AIF1L: variants seen among roughly 807,000 people sequenced by gnomAD.
AIF1L encodes the protein allograft inflammatory factor 1 like.
AIF1L carries 12 observed loss-of-function variants against 20.7 expected under a neutral mutation model. The ratio of observed to expected loss-of-function variants is 0.58; its 90% CI spans 0.37 to 0.94. The LOEUF is 0.94. Among genes scored for constraint, AIF1L ranks in the 40% least tolerant of loss-of-function variants. AIF1L has a pLI of 0.01. For missense variants in AIF1L, 173 were observed against 185.3 expected, an observed-to-expected ratio of 0.93 and a Z score of 0.39; for synonymous variants, 76 against 65.1, an observed-to-expected ratio of 1.17 and a Z score of -0.81.
intron 4 of AIF1L, among the ~76,000 whole-genome samples, chr9:131,117,261 C>T (rs536887973): frequency 6.6e-6 from 1 of 152,212 alleles, no homozygotes; most frequent in Non-Finnish European, 1.5e-5. Flanking sequence ...CCACTCGGCA[C>T]CCAGCAGAGT....
At chr9:131,119,750 C>G (rs965429940) in intron 5 of AIF1L, among the ~76,000 whole-genome samples, 1 of 152,172 alleles carries the variant, frequency 6.6e-6, no homozygotes, top group African/African-American at 2.4e-5. Flanking sequence ...GCTTGAGCCA[C>G]CCGGCTGGGA....
At chr9:131,097,814 C>G (rs571284123) in intron 2 of AIF1L, among the ~76,000 whole-genome samples, 1 of 152,246 alleles carries the variant, frequency 6.6e-6, no homozygotes, top group Non-Finnish European at 1.5e-5. Context: ...TGTGCAGGCT[C>G]AGAGAGGGAA....
At chr9:131,097,700 C>T (rs190447134) in intron 2 of AIF1L, among the ~76,000 whole-genome samples, 1 of 152,352 alleles carries the variant, frequency 6.6e-6, no homozygotes, top group East Asian at 1.9e-4. Context: ...GGCAGCACAG[C>T]CAGTGGCTTT....
In AIF1L at chr9:131,101,672, C is replaced by T. The variant is rs896405757; in HGVS notation, c.93+4809C>T. Among the ~76,000 whole-genome samples, 36 of 152,214 alleles carry T rather than the reference C, an allele frequency of 2.4e-4. 1 individual carries two copies. Among genetic ancestry groups the T allele is most frequent in the Admixed American group, 1.0e-3 (16 of 15,296 alleles). The stretch of plus-strand genomic sequence containing the variant: ...GACTTCCATTTTAGAGATGAGGAAA[C>T]AGGCTTAGCTAGATGAAGTCACCTG... On this transcript the variant is annotated intron_variant, in intron 2 of 5. Coordinates refer to ENST00000247291, the MANE Select transcript of AIF1L (RefSeq NM_031426.4).
rs768059563 is a variant in AIF1L, at chr9:131,117,709, C to A, written c.203-47C>A. On this transcript the variant is annotated intron_variant, in intron 4 of 5. Coordinates refer to ENST00000247291, the MANE Select transcript of AIF1L (RefSeq NM_031426.4). The stretch of plus-strand genomic sequence containing the variant: ...GAGCTTTCCCAGCTTCCCTGCTAAG[C>A]CCCAGCAGCCCATCTCCACTTAACA... 15 of 1,532,204 alleles carry A rather than the reference C, an allele frequency of 9.8e-6. No homozygotes were observed. The South Asian group carries it at 1.9e-4, about 20-fold the overall frequency. The allele number at this position is 1,532,204 out of a possible 1,614,324, so 94.9% of individuals were successfully genotyped here.
chr9:131,101,525 T>G (rs1044327884), intron 2 of AIF1L, among the ~76,000 whole-genome samples: 50 of 151,924 alleles, frequency 3.3e-4, no homozygotes, highest in African/African-American at 1.1e-3. Flanking sequence ...TTTTTTTTTT[T>G]GTGGAGACAA....
intron 2 of AIF1L, among the ~76,000 whole-genome samples, chr9:131,100,482 G>C (rs1311951296): frequency 3.3e-5 from 5 of 152,172 alleles, no homozygotes; most frequent in Non-Finnish European, 1.5e-5. Flanking sequence ...TGGGTAAACT[G>C]CCTGGGTTTA....
chr9:131,110,143 C>T (rs1032245939), intron 2 of AIF1L, among the ~76,000 whole-genome samples: 3 of 152,098 alleles, frequency 2.0e-5, no homozygotes, highest in East Asian at 1.9e-4. Flanking sequence ...GATCGGGAGG[C>T]GGAGGTTACA....
chr9:131,106,064 C>A, intron 2 of AIF1L: 2 of 1,082,428 alleles, frequency 1.8e-6, no homozygotes, highest in Non-Finnish European at 1.3e-6. Context: ...AGTGATCCTC[C>A]CTCCTCGGGC....
intron 5 of AIF1L, among the ~76,000 whole-genome samples, chr9:131,118,354 A>G (rs1371821936): frequency 6.6e-6 from 1 of 152,000 alleles, no homozygotes; most frequent in Non-Finnish European, 1.5e-5. Context: ...CAGCCTCCCA[A>G]AATGTTAGGA....
chr9:131,110,378 G>T (rs1469079411), intron 2 of AIF1L, among the ~76,000 whole-genome samples: 1 of 152,098 alleles, frequency 6.6e-6, no homozygotes, highest in Non-Finnish European at 1.5e-5. Flanking sequence ...CTGAAGGGAA[G>T]GCAGGCCAGA....
At chr9:131,113,343 C>A (rs576189295) in intron 3 of AIF1L, among the ~76,000 whole-genome samples, 14 of 151,860 alleles carry the variant, frequency 9.2e-5, no homozygotes, top group African/African-American at 3.1e-4. Context: ...ATTAAAAATA[C>A]AAAAATTAGC....
At chr9:131,120,076 G>A (rs1831102495) in intron 5 of AIF1L, among the ~76,000 whole-genome samples, 159 bp from the exon 6 acceptor site, 1 of 152,208 alleles carries the variant, frequency 6.6e-6, no homozygotes, top group Admixed American at 6.5e-5. Flanking sequence ...CTTCCTTGGA[G>A]CTGCTGTCTT....
chr9:131,098,607 A>G (rs1830574837), intron 2 of AIF1L, among the ~76,000 whole-genome samples: 1 of 149,338 alleles, frequency 6.7e-6, no homozygotes, highest in Non-Finnish European at 1.5e-5. Flanking sequence ...GGCGGGGCCA[A>G]CCTAGCCCTT....
Position 131,102,094 on chromosome 9 carries a change from G to A in AIF1L, c.93+5231G>A, listed in dbSNP as rs138359705. On this transcript the variant is annotated intron_variant, in intron 2 of 5. Coordinates refer to ENST00000247291, the MANE Select transcript of AIF1L (RefSeq NM_031426.4). ...ACCACGGCTAATTTTTGTATTTTTAGTAGAGACAGGGTTTCACCATGTTGG... is the reference window on the plus strand; with the variant it reads ...ACCACGGCTAATTTTTGTATTTTTAATAGAGACAGGGTTTCACCATGTTGG... Among the ~76,000 whole-genome samples, 70 of 152,090 alleles carry A rather than the reference G, an allele frequency of 4.6e-4. No individual in the cohort carries two copies. The East Asian group carries it at 0.011, about 25-fold the overall frequency.
At chr9:131,111,280 C>T (rs1375848905) in intron 2 of AIF1L, 2 of 293,662 alleles carry the variant, frequency 6.8e-6, no homozygotes, top group Non-Finnish European at 1.3e-5. Flanking sequence ...CACAGCTTCT[C>T]GGATCTGAAG....
chr9:131,106,775 AGAAGGT>A (rs1830759857), intron 2 of AIF1L, among the ~76,000 whole-genome samples: 1 of 89,888 alleles, frequency 1.1e-5, no homozygotes, highest in African/African-American at 5.5e-5. Context: ...GGCCGCATTG[AGAAGGT>A]GACATTCGGC....
At chr9:131,106,260 T>A in intron 2 of AIF1L, 1 of 1,530,250 alleles carries the variant, frequency 6.5e-7, no homozygotes, top group Non-Finnish European at 8.8e-7. Context: ...GGCTCTGCTG[T>A]TTCAGGCAAG....
chr9:131,110,093 T>G (rs1195104865), intron 2 of AIF1L, among the ~76,000 whole-genome samples: 1 of 152,050 alleles, frequency 6.6e-6, no homozygotes, highest in African/African-American at 2.4e-5. Flanking sequence ...CCATCTGTAG[T>G]CCCAGCTACT....
Sources: allele counts gnomAD v4.1 joint callset (sites outside exome capture counted in the v4.1 genomes callset), GRCh38; gene constraint gnomAD v4.1.1; transcripts MANE v1.5; gene names NCBI Gene and HGNC (gene_info 2026-07-23, HGNC 2026-07-21).